The following PCDH9 variants were observed in gnomAD, a reference collection of about 807,000 sequenced individuals.
PCDH9 encodes the protein protocadherin-9.
PCDH9 carries 24 observed loss-of-function variants against 70.6 expected under a neutral mutation model. The ratio of observed to expected loss-of-function variants is 0.34; its 90% CI spans 0.25 to 0.48. PCDH9 has a LOEUF of 0.48. Among genes scored for constraint, PCDH9 ranks in the 20% least tolerant of loss-of-function variants. The pLI, the probability that PCDH9 is intolerant of heterozygous loss-of-function variation, is 0.99. For missense variants in PCDH9, 1,281 were observed against 1,503.6 expected (o/e 0.85, Z 2.45); for synonymous variants, 562 against 558.5 (o/e 1.01, Z -0.09).
At chr13:67,065,752 C>T (rs936412415) in intron 2 of PCDH9, among the ~76,000 whole-genome samples, 11 of 152,086 alleles carry the variant, frequency 7.2e-5, no homozygotes, top group Non-Finnish European at 1.5e-4. Flanking sequence ...TACTGCAGGG[C>T]CAGTAGTCTT....
At chr13:66,739,582 G>T (rs1004762464) in intron 3 of PCDH9, among the ~76,000 whole-genome samples, 8 of 147,602 alleles carry the variant, frequency 5.4e-5, no homozygotes, top group Admixed American at 4.8e-4. Context: ...TCAGTGTGCT[G>T]TATTCAGGAA....
At chr13:66,380,504 G>A (rs989527511) in intron 4 of PCDH9, among the ~76,000 whole-genome samples, 2 of 147,000 alleles carry the variant, frequency 1.4e-5, no homozygotes, top group Non-Finnish European at 3.0e-5. Flanking sequence ...ACATAATGCC[G>A]GAAGAAAAAA....
intron 4 of PCDH9, among the ~76,000 whole-genome samples, chr13:66,350,315 A>G (rs375657452): frequency 2.0e-5 from 3 of 152,196 alleles, no homozygotes; most frequent in Admixed American, 1.3e-4. Flanking sequence ...AGGTAATTCC[A>G]TCTCTCTGTA....
chr13:66,506,502 A>T (rs1959216812), intron 4 of PCDH9, among the ~76,000 whole-genome samples: 1 of 152,230 alleles, frequency 6.6e-6, no homozygotes, highest in African/African-American at 2.4e-5. Flanking sequence ...AGATCTATTT[A>T]TAAGCATCAT....
At chr13:66,888,648 T>G (rs2082047440) in intron 3 of PCDH9, among the ~76,000 whole-genome samples, 1 of 149,816 alleles carries the variant, frequency 6.7e-6, no homozygotes. Context: ...CTTAGAAGAG[T>G]AGACATTTTT....
At chr13:66,923,570 C>A (rs1287482901) in intron 2 of PCDH9, among the ~76,000 whole-genome samples, 4 of 151,536 alleles carry the variant, frequency 2.6e-5, no homozygotes, top group African/African-American at 9.7e-5. Context: ...CTATAGGTAA[C>A]TCAGATATAC....
At chr13:67,125,378 G>T (rs889015133) in intron 2 of PCDH9, among the ~76,000 whole-genome samples, 2 of 152,156 alleles carry the variant, frequency 1.3e-5, no homozygotes, top group African/African-American at 4.8e-5. Context: ...CTCTGTGTAT[G>T]GGGGTGTAGG....
At chr13:66,525,335 A>G (rs1392017872) in intron 4 of PCDH9, among the ~76,000 whole-genome samples, 1 of 152,042 alleles carries the variant, frequency 6.6e-6, no homozygotes, top group Non-Finnish European at 1.5e-5. Flanking sequence ...TTCTGCTTTC[A>G]TGTGTTTAGA....
At chr13:67,083,922 T>A (rs1291734180) in intron 2 of PCDH9, among the ~76,000 whole-genome samples, 1 of 152,140 alleles carries the variant, frequency 6.6e-6, no homozygotes. Flanking sequence ...AGGACACGGA[T>A]TAAAAGTTTA....
chr13:67,067,764 C>T lies in PCDH9; in HGVS notation c.3036+157641G>A, dbSNP rs369232647. ...TTTGGGGGGTTCAAATGTTGATCAT[C>T]GTGGGGAATAGCGATGGGGGGGGCA... On this transcript the variant is annotated intron_variant, in intron 2 of 4. Coordinates refer to ENST00000377865, the MANE Select transcript of PCDH9 (RefSeq NM_203487.3). 1.6e-4 allele frequency among the ~76,000 whole-genome samples: 22 copies of T among 135,940 alleles called. 1 individual carries two copies. The highest frequency in any genetic ancestry group is 1.3e-3 in the East Asian group (6 of 4,688). 89.2% of individuals were successfully genotyped at this position (135,940 alleles called of 152,430 possible).
chr13:67,161,290 G>A (rs1482693737), intron 2 of PCDH9, among the ~76,000 whole-genome samples: 2 of 152,134 alleles, frequency 1.3e-5, no homozygotes, highest in Admixed American at 6.5e-5. Flanking sequence ...AAATACCTCC[G>A]TGAGGACTGC....
At chr13:67,019,361 T>A (rs1043785508) in intron 2 of PCDH9, among the ~76,000 whole-genome samples, 17 of 151,386 alleles carry the variant, frequency 1.1e-4, no homozygotes, top group African/African-American at 3.9e-4. Context: ...GCCCGGCTGA[T>A]TTTTTTTGTG....
chr13:66,561,354 C>T (rs893691691), intron 4 of PCDH9, among the ~76,000 whole-genome samples: 3 of 152,192 alleles, frequency 2.0e-5, no homozygotes, highest in South Asian at 4.1e-4. Flanking sequence ...AGGAGTGCCG[C>T]CCCTTGCTCC....
At chr13:66,978,931 A>G (rs1223590147) in intron 2 of PCDH9, among the ~76,000 whole-genome samples, 2 of 151,652 alleles carry the variant, frequency 1.3e-5, no homozygotes, top group Non-Finnish European at 2.9e-5. Context: ...ATAGATATAT[A>G]TGTACTGTTA....
chr13:66,525,567 A>C (rs1960178246), intron 4 of PCDH9, among the ~76,000 whole-genome samples: 1 of 152,128 alleles, frequency 6.6e-6, no homozygotes, highest in African/African-American at 2.4e-5. Flanking sequence ...AAAACAAAAC[A>C]AGCAAACAAA....
intron 2 of PCDH9, among the ~76,000 whole-genome samples, chr13:66,907,639 C>A (rs1419406664): frequency 6.6e-6 from 1 of 151,982 alleles, no homozygotes; most frequent in Non-Finnish European, 1.5e-5. Flanking sequence ...GCACTTCTAG[C>A]CATATTAAGA....
At chr13:66,665,555 G>C (rs185309054) in intron 3 of PCDH9, among the ~76,000 whole-genome samples, 2 of 152,226 alleles carry the variant, frequency 1.3e-5, no homozygotes, top group Non-Finnish European at 2.9e-5. Context: ...CCTGGACCAG[G>C]AAGACTTCCT....
At chr13:66,401,947 T>A (rs916792273) in intron 4 of PCDH9, among the ~76,000 whole-genome samples, 1 of 152,322 alleles carries the variant, frequency 6.6e-6, no homozygotes, top group East Asian at 1.9e-4. Context: ...ACAGTATAAA[T>A]CAATTATTCA....
chr13:66,855,315 C>A (rs1399967205), intron 3 of PCDH9, among the ~76,000 whole-genome samples: 1 of 152,058 alleles, frequency 6.6e-6, no homozygotes, highest in African/African-American at 2.4e-5. Context: ...CAGCTCCAAC[C>A]TTTGCCTTAC....
Sources: allele counts gnomAD v4.1 joint callset (sites outside exome capture counted in the v4.1 genomes callset), GRCh38; gene constraint gnomAD v4.1.1; transcripts MANE v1.5; gene names NCBI Gene and HGNC (gene_info 2026-07-23, HGNC 2026-07-21).